The following GRXCR1 variants were observed in gnomAD, a reference collection of about 807,000 sequenced individuals.
The protein encoded by GRXCR1 is glutaredoxin domain-containing cysteine-rich protein 1.
Under a neutral mutation model 27.3 loss-of-function variants are expected in GRXCR1, and 27 were observed. The ratio of observed to expected loss-of-function variants is 0.99; its 90% CI spans 0.73 to 1.37. GRXCR1 has a LOEUF of 1.37. Ranked by LOEUF, GRXCR1 falls within the 40% of genes most tolerant of loss-of-function variation. The pLI is 0.00. For missense variants in GRXCR1, 379 were observed against 354.4 expected (o/e 1.07, Z -0.56); for synonymous variants, 122 against 131.1 (o/e 0.93, Z 0.47).
At chr4:43,029,139 G>A (rs962288674) in intron 3 of GRXCR1, among the ~76,000 whole-genome samples, 2 of 152,118 alleles carry the variant, frequency 1.3e-5, no homozygotes, top group African/African-American at 4.8e-5. Context: ...TACTAATTAT[G>A]AGAGAATTAT....
chr4:43,029,323 A>C (rs1713350531), intron 3 of GRXCR1, among the ~76,000 whole-genome samples: 1 of 152,160 alleles, frequency 6.6e-6, no homozygotes, highest in African/African-American at 2.4e-5. Flanking sequence ...TGTTTGTCTG[A>C]GTATGTGTTT....
intron 1 of GRXCR1, among the ~76,000 whole-genome samples, chr4:42,949,020 G>A (rs1483437469): frequency 6.6e-6 from 1 of 151,984 alleles, no homozygotes; most frequent in Non-Finnish European, 1.5e-5. Context: ...TTAGTACAGC[G>A]GCAATAGGAA....
intron 1 of GRXCR1, among the ~76,000 whole-genome samples, chr4:42,894,943 C>T (rs910846334): frequency 6.6e-6 from 1 of 152,066 alleles, no homozygotes; most frequent in Non-Finnish European, 1.5e-5. Flanking sequence ...TGTTTACATT[C>T]ATTATGATTA....
At chr4:43,006,523 C>T (rs1166497180) in intron 2 of GRXCR1, among the ~76,000 whole-genome samples, 1 of 152,060 alleles carries the variant, frequency 6.6e-6, no homozygotes, top group East Asian at 1.9e-4. Flanking sequence ...TGAAATAGAC[C>T]CCAGTCTCCC....
chr4:42,999,580 C>G (rs1461313509), intron 2 of GRXCR1, among the ~76,000 whole-genome samples: 10 of 152,228 alleles, frequency 6.6e-5, no homozygotes, highest in Non-Finnish European at 1.5e-4. Context: ...CCTTTGCTGT[C>G]TTTGGCTCCT....
intron 2 of GRXCR1, among the ~76,000 whole-genome samples, chr4:42,975,466 A>G (rs1748493127): frequency 6.6e-6 from 1 of 152,132 alleles, no homozygotes; most frequent in Non-Finnish European, 1.5e-5. Context: ...ATTAATTAAT[A>G]GCACCTAATA....
At chr4:42,900,244 A>T (rs375315826) in intron 1 of GRXCR1, among the ~76,000 whole-genome samples, 19 of 152,198 alleles carry the variant, frequency 1.2e-4, no homozygotes, top group African/African-American at 4.6e-4. Flanking sequence ...AAACAGAATA[A>T]GATGTCATGC....
intron 1 of GRXCR1, among the ~76,000 whole-genome samples, chr4:42,950,046 T>C (rs1747845974): frequency 6.6e-6 from 1 of 152,196 alleles, no homozygotes; most frequent in African/African-American, 2.4e-5. Flanking sequence ...ATTTAGGTGA[T>C]TATTCAGGCA....
intron 2 of GRXCR1, among the ~76,000 whole-genome samples, chr4:43,005,041 G>T (rs925174751): frequency 1.3e-5 from 2 of 152,156 alleles, no homozygotes; most frequent in Non-Finnish European, 2.9e-5. Flanking sequence ...GGAACCTGGT[G>T]GGAGGCAATT....
chr4:42,984,597 C>G (rs1433533645), intron 2 of GRXCR1, among the ~76,000 whole-genome samples: 3 of 152,196 alleles, frequency 2.0e-5, no homozygotes, highest in African/African-American at 7.2e-5. Flanking sequence ...CTGGCAGAGT[C>G]CTGAAGCCTT....
rs148567001 is a variant in GRXCR1, at chr4:42,920,602, T to A, written c.384+26952T>A. Among the ~76,000 whole-genome samples, 717 of 152,248 alleles carry A rather than the reference T, an allele frequency of 4.7e-3. 8 individuals are homozygous for A. Among genetic ancestry groups the A allele is most frequent in the African/African-American group, 0.016 (681 of 41,564 alleles). ...AAAGGTGCAGAGGTTCTACTGCAGA[T>A]CCCAGTGCATGTCAGTGGGTCCTTT... is the stretch of plus-strand genomic sequence containing the variant. On this transcript the variant is annotated intron_variant, in intron 1 of 3. Coordinates refer to ENST00000399770, the MANE Select transcript of GRXCR1 (RefSeq NM_001080476.3).
chr4:42,965,771 A>T (rs1748224293), intron 2 of GRXCR1, among the ~76,000 whole-genome samples: 1 of 152,046 alleles, frequency 6.6e-6, no homozygotes, highest in African/African-American at 2.4e-5. Context: ...CCAGAGAATG[A>T]GGTAGACAGA....
At chr4:43,017,077 G>A (rs1438113494) in intron 2 of GRXCR1, among the ~76,000 whole-genome samples, 1 of 152,142 alleles carries the variant, frequency 6.6e-6, no homozygotes, top group Non-Finnish European at 1.5e-5. Flanking sequence ...TTCTTTCCTG[G>A]CATATGCAAT....
chr4:42,963,586 G>C (rs1045542701), intron 2 of GRXCR1, among the ~76,000 whole-genome samples: 9 of 151,888 alleles, frequency 5.9e-5, no homozygotes, highest in African/African-American at 2.2e-4. Flanking sequence ...CCTGGAGCCA[G>C]AATTTTATCT....
chr4:43,026,181 T>C (rs543156003), intron 3 of GRXCR1, among the ~76,000 whole-genome samples: 1 of 152,260 alleles, frequency 6.6e-6, no homozygotes, highest in Admixed American at 6.5e-5. Flanking sequence ...TAGCTCTTTT[T>C]CTATCTTGAT....
chr4:42,900,064 T>C (rs572447737), intron 1 of GRXCR1, among the ~76,000 whole-genome samples: 5 of 152,334 alleles, frequency 3.3e-5, no homozygotes, highest in African/African-American at 1.2e-4. Context: ...GTTCTTTTGC[T>C]GGCTTGCTCA....
chr4:42,978,878 C>T (rs887381586), intron 2 of GRXCR1, among the ~76,000 whole-genome samples: 2 of 151,884 alleles, frequency 1.3e-5, no homozygotes, highest in Non-Finnish European at 2.9e-5. Flanking sequence ...GGGGCAGTTT[C>T]CCCCATGCTG....
chr4:43,007,335 A>T (rs903295751), intron 2 of GRXCR1, among the ~76,000 whole-genome samples: 1 of 152,208 alleles, frequency 6.6e-6, no homozygotes, highest in African/African-American at 2.4e-5. Context: ...ACCTTCATGA[A>T]CATCAGACAG....
chr4:42,925,537 A>G (rs1227760690), intron 1 of GRXCR1, among the ~76,000 whole-genome samples: 1 of 152,028 alleles, frequency 6.6e-6, no homozygotes, highest in Non-Finnish European at 1.5e-5. Flanking sequence ...CAATTTGGTT[A>G]TCATTGCCAT....
Sources: allele counts gnomAD v4.1 joint callset (sites outside exome capture counted in the v4.1 genomes callset), GRCh38; gene constraint gnomAD v4.1.1; transcripts MANE v1.5; gene names NCBI Gene and HGNC (gene_info 2026-07-23, HGNC 2026-07-21).